MOSMO: variants seen among roughly 807,000 people sequenced by gnomAD.
MOSMO encodes modulator of smoothened protein.
A neutral mutation model predicts 18.4 loss-of-function variants in MOSMO; 5 were observed. The ratio of observed to expected loss-of-function variants is 0.27; its 90% confidence interval spans 0.14 to 0.57. The LOEUF (loss-of-function observed/expected upper bound fraction) is 0.57, where lower values mean the gene tolerates loss of function less well. Among genes scored for constraint, MOSMO ranks in the 20% least tolerant of loss-of-function variants. The probability of loss-of-function intolerance (pLI) is 0.92; values close to 1 mark genes in which losing one functional copy is unlikely to be tolerated. For synonymous variants in MOSMO, 82 were observed against 82.3 expected, an observed-to-expected ratio of 1.00 and a Z score of 0.02; for missense variants, 138 against 211.8, an observed-to-expected ratio of 0.65 and a Z score of 2.16.
At chr16:22,046,625 G>A (rs1900314390) in intron 1 of MOSMO, among the ~76,000 whole-genome samples, 1 of 152,050 alleles carries the variant, frequency 6.6e-6, no homozygotes, top group Non-Finnish European at 1.5e-5. Flanking sequence ...ACACTAGACG[G>A]CACTTGAGCA....
At chr16:22,066,341 ACAGG>A (rs1437876167) in intron 1 of MOSMO, among the ~76,000 whole-genome samples, 5 of 152,220 alleles carry the variant, frequency 3.3e-5, no homozygotes, top group Non-Finnish European at 7.3e-5. Flanking sequence ...CAAAAGACTG[ACAGG>A]CAAACATAAA....
chr16:22,015,527 T>C, intron 1 of MOSMO, among the ~76,000 whole-genome samples: 1 of 152,332 alleles, frequency 6.6e-6, no homozygotes, highest in African/African-American at 2.4e-5. Context: ...AAGATGTTTT[T>C]TAAATGTGAT....
chr16:22,044,136 C>T (rs1900263084), intron 1 of MOSMO, among the ~76,000 whole-genome samples: 1 of 152,150 alleles, frequency 6.6e-6, no homozygotes, highest in Admixed American at 6.5e-5. Context: ...GTCCCTCCCA[C>T]AACCCGTGGG....
chr16:22,045,217 TGAAAG>T (rs1485900608), intron 1 of MOSMO, among the ~76,000 whole-genome samples: 1 of 150,666 alleles, frequency 6.6e-6, no homozygotes, highest in Non-Finnish European at 1.5e-5. Flanking sequence ...TGTAACTAGG[TGAAAG>T]GAGAGATTCA....
At chr16:22,025,589 T>C (rs1234802857) in intron 1 of MOSMO, among the ~76,000 whole-genome samples, 1 of 152,148 alleles carries the variant, frequency 6.6e-6, no homozygotes, top group East Asian at 1.9e-4. Flanking sequence ...AAATTAATCA[T>C]GTAACCATCA....
At chr16:22,037,524 G>A (rs531514363) in intron 1 of MOSMO, among the ~76,000 whole-genome samples, 2 of 152,170 alleles carry the variant, frequency 1.3e-5, no homozygotes, top group Admixed American at 6.5e-5. Flanking sequence ...CATCTACCTG[G>A]CATATAGATC....
At chr16:22,013,883 G>T (rs531116108) in intron 1 of MOSMO, among the ~76,000 whole-genome samples, 14 of 151,504 alleles carry the variant, frequency 9.2e-5, no homozygotes, top group African/African-American at 1.9e-4. Flanking sequence ...TACTGTTTGG[G>T]GGGGGGGAAT....
Position 22,008,370 on chromosome 16 carries a change from C to T in MOSMO, c.69C>T (p.Ile23=). 6.5e-7 allele frequency: 1 copy of T among 1,534,030 alleles called. No individual in the cohort carries two copies. Among genetic ancestry groups the T allele is most frequent in the South Asian group, 1.2e-5 (1 of 83,918 alleles). The part of the protein sequence containing the change: ...LAADIFAIAS[I]ANPDWINTGE... Reference sequence around the variant, plus strand: ...CCGATATCTTCGCCATCGCCAGCATCGCCAACCCGGACTGGATCAACACCG... The same window carrying T: ...CCGATATCTTCGCCATCGCCAGCATTGCCAACCCGGACTGGATCAACACCG... Residue 23 remains isoleucine, a synonymous_variant, in exon 1 of 3, where the codon ATC becomes ATT. Transcript: ENST00000542527.
At chr16:22,058,737 T>G (rs1358493286) in intron 1 of MOSMO, among the ~76,000 whole-genome samples, 4 of 152,132 alleles carry the variant, frequency 2.6e-5, no homozygotes, top group African/African-American at 9.7e-5. Flanking sequence ...GTTTTCGTAT[T>G]TGTTGAGCTT....
intron 1 of MOSMO, among the ~76,000 whole-genome samples, chr16:22,051,412 A>G (rs1900424569): frequency 6.6e-6 from 1 of 152,112 alleles, no homozygotes; most frequent in South Asian, 2.1e-4. Flanking sequence ...CTACAGAAAA[A>G]TAAAATTTCT....
rs1901120361 is a variant in MOSMO, at chr16:22,083,596, C to T, written c.*2716C>T. The T allele has an allele frequency of 1.1e-5, 5 of 440,298 alleles. No individual in the cohort carries two copies. Among genetic ancestry groups the T allele is most frequent in the South Asian group, 5.0e-5 (3 of 60,544 alleles). 27.3% of individuals were successfully genotyped at this position (440,298 alleles called of 1,614,324 possible). A position where few individuals can be genotyped will look rare whatever the true frequency, so the allele number is the denominator to read the frequency against. ...ACAGTATTAATTTATAGCAGGAAATCGTATCTTGTAAACTGTATATAAAAC... is the reference window on the plus strand; with the variant it reads ...ACAGTATTAATTTATAGCAGGAAATTGTATCTTGTAAACTGTATATAAAAC... On this transcript the variant is annotated 3_prime_UTR_variant, in exon 3 of 3. Transcript: ENST00000542527.
At chr16:22,070,111 A>G (rs529238681) in intron 1 of MOSMO, among the ~76,000 whole-genome samples, 228 of 152,304 alleles carry the variant, frequency 1.5e-3, no homozygotes, top group African/African-American at 5.3e-3. Flanking sequence ...TCTGAGAAAT[A>G]ATAGAGACTG....
intron 1 of MOSMO, among the ~76,000 whole-genome samples, chr16:22,060,867 C>CT (rs1288036699): frequency 6.6e-6 from 1 of 150,856 alleles, no homozygotes; most frequent in Non-Finnish European, 1.5e-5. Flanking sequence ...GAGCAAAACT[C>CT]TGTCTCAAAA....
intron 1 of MOSMO, among the ~76,000 whole-genome samples, chr16:22,054,556 CT>C (rs1900496161): frequency 6.6e-6 from 1 of 152,154 alleles, no homozygotes; most frequent in South Asian, 2.1e-4. Flanking sequence ...ATATTGTTTA[CT>C]AAGGAGTCTC....
At chr16:22,040,134 T>C (rs575998121) in intron 1 of MOSMO, among the ~76,000 whole-genome samples, 2 of 152,264 alleles carry the variant, frequency 1.3e-5, no homozygotes, top group African/African-American at 4.8e-5. Flanking sequence ...GGAATAATGA[T>C]AGCAATGGAA....
chr16:22,038,618 G>C (rs1298008416), intron 1 of MOSMO, among the ~76,000 whole-genome samples: 1 of 152,160 alleles, frequency 6.6e-6, no homozygotes, highest in African/African-American at 2.4e-5. Context: ...ATAACAAGAA[G>C]GGTCACTTGC....
chr16:22,083,576 A>G lies in MOSMO; in HGVS notation c.*2696A>G, dbSNP rs1047273056. 6 of 438,398 alleles carry G rather than the reference A, an allele frequency of 1.4e-5. No homozygotes were observed. The Admixed American group carries it at 1.7e-4, about 12-fold the overall frequency. The allele number at this position is 438,398 out of a possible 1,614,324, so 27.2% of individuals were successfully genotyped here. On this transcript the variant is annotated 3_prime_UTR_variant, in exon 3 of 3. Transcript: ENST00000542527. ...TATAATAAGTACTATATAGTACAGTATTAATTTATAGCAGGAAATCGTATC... is the reference window on the plus strand; with the variant it reads ...TATAATAAGTACTATATAGTACAGTGTTAATTTATAGCAGGAAATCGTATC...
intron 1 of MOSMO, among the ~76,000 whole-genome samples, chr16:22,021,425 C>T (rs1301447822): frequency 6.6e-6 from 1 of 152,108 alleles, no homozygotes; most frequent in Non-Finnish European, 1.5e-5. Flanking sequence ...CCCCCTTCAT[C>T]TTCATGAATA....
intron 1 of MOSMO, among the ~76,000 whole-genome samples, chr16:22,017,255 A>G (rs1187255604): frequency 6.6e-6 from 1 of 152,224 alleles, no homozygotes; most frequent in Non-Finnish European, 1.5e-5. Context: ...ACCTGAATGC[A>G]TAATTATTTA....
Sources: gnomAD v4.1 joint callset for allele counts (sites outside exome capture counted in the v4.1 genomes callset) on GRCh38, gnomAD v4.1.1 for gene constraint, MANE v1.5 for transcripts, NCBI Gene and HGNC (gene_info 2026-07-23, HGNC 2026-07-21) for gene names.